Variants in MAST4 observed in about 807,000 individuals in gnomAD.
MAST4 encodes microtubule associated serine/threonine kinase family member 4, also known as microtubule-associated serine/threonine-protein kinase 4.
MAST4 carries 89 observed loss-of-function variants against 162.7 expected under a neutral mutation model. That is an observed-to-expected ratio of 0.55 (90% CI 0.46 to 0.65). MAST4 has a LOEUF of 0.65. Among genes scored for constraint, MAST4 ranks in the 30% least tolerant of loss-of-function variants. MAST4 has a pLI of 0.00. For synonymous variants in MAST4, 1,479 were observed against 1,361.1 expected (o/e 1.09, Z -1.91); for missense variants, 3,153 against 3,374.0 (o/e 0.93, Z 1.62).
At chr5:66,862,538 A>G (rs900425362) in intron 3 of MAST4, among the ~76,000 whole-genome samples, 1 of 152,234 alleles carries the variant, frequency 6.6e-6, no homozygotes, top group African/African-American at 2.4e-5. Context: ...ATGCTCTAAC[A>G]AACGATCATT....
chr5:67,144,329 T>C (rs552397670), intron 21 of MAST4, among the ~76,000 whole-genome samples: 1 of 152,302 alleles, frequency 6.6e-6, no homozygotes, highest in South Asian at 2.1e-4. Context: ...TAAAAAGTAA[T>C]CAAGATGTGC....
At chr5:67,049,080 C>CGTGTATATATATATAT (rs1757854748) in intron 4 of MAST4, among the ~76,000 whole-genome samples, 7 of 82,868 alleles carry the variant, frequency 8.4e-5, no homozygotes, top group Admixed American at 1.3e-4. Flanking sequence ...TATATATATA[C>CGTGTATATATATATAT]ACTACCATAC....
At chr5:66,890,438 A>T (rs746760423) in intron 3 of MAST4, among the ~76,000 whole-genome samples, 1 of 152,216 alleles carries the variant, frequency 6.6e-6, no homozygotes, top group African/African-American at 2.4e-5. Flanking sequence ...ATCAAAACCC[A>T]TAATAATTGA....
At chr5:66,603,411 A>G (rs942774073) in intron 1 of MAST4, among the ~76,000 whole-genome samples, 2 of 152,212 alleles carry the variant, frequency 1.3e-5, no homozygotes, top group East Asian at 1.9e-4. Flanking sequence ...TGTGTCAGCC[A>G]TGTCCTGGGG....
chr5:66,738,185 C>A (rs1752262043), intron 1 of MAST4: 1 of 152,232 alleles, frequency 6.6e-6, no homozygotes, highest in Non-Finnish European at 1.5e-5. Context: ...CTCTACCTGG[C>A]AGTGTCCTCA....
intron 4 of MAST4, among the ~76,000 whole-genome samples, chr5:67,023,254 T>A (rs1025184941): frequency 2.6e-5 from 4 of 152,178 alleles, no homozygotes; most frequent in African/African-American, 9.7e-5. Context: ...TGACTTCAGT[T>A]TCTGGAGAGA....
At chr5:67,098,743 T>C (rs993615192) in intron 7 of MAST4, among the ~76,000 whole-genome samples, 1 of 152,134 alleles carries the variant, frequency 6.6e-6, no homozygotes, top group Admixed American at 6.6e-5. Flanking sequence ...CTGAAGTCAA[T>C]AGATACTGTT....
intron 4 of MAST4, among the ~76,000 whole-genome samples, chr5:66,981,489 G>A (rs1399282826): frequency 6.6e-6 from 1 of 152,208 alleles, no homozygotes; most frequent in Non-Finnish European, 1.5e-5. Flanking sequence ...CTGCGGTGAT[G>A]GAAGGATGGG....
At chr5:66,608,375 TTTTTTTTTTTTG>T in intron 1 of MAST4, among the ~76,000 whole-genome samples, 1 of 145,136 alleles carries the variant, frequency 6.9e-6, no homozygotes, top group Non-Finnish European at 1.5e-5. Flanking sequence ...TTTTTTTTTT[TTTTTTTTTTTTG>T]ATGGCGAGAA....
intron 3 of MAST4, among the ~76,000 whole-genome samples, chr5:66,835,756 A>G (rs1362839928): frequency 6.6e-6 from 1 of 152,182 alleles, no homozygotes; most frequent in Non-Finnish European, 1.5e-5. Flanking sequence ...GAGCTTTTTA[A>G]AGTGTCTTAG....
At chr5:67,126,207 T>C (rs912481102) in intron 14 of MAST4, among the ~76,000 whole-genome samples, 1 of 152,234 alleles carries the variant, frequency 6.6e-6, no homozygotes, top group Admixed American at 6.5e-5. Flanking sequence ...GTGTTCACTC[T>C]CATGATAGTT....
intron 3 of MAST4, among the ~76,000 whole-genome samples, chr5:66,853,517 GTT>G (rs2149817357): frequency 6.6e-6 from 1 of 152,294 alleles, no homozygotes; most frequent in East Asian, 1.9e-4. Flanking sequence ...AGAGGGAAAA[GTT>G]ATATCACAGA....
At chr5:67,015,540 C>T (rs1660026238) in intron 4 of MAST4, among the ~76,000 whole-genome samples, 2 of 152,112 alleles carry the variant, frequency 1.3e-5, no homozygotes, top group South Asian at 4.1e-4. Flanking sequence ...TTGTGCTTTG[C>T]TCTGTTTTGT....
rs1774252853 is a variant in MAST4 at position 67,168,107 on chromosome 5, G to C, written c.*1056G>C. On this transcript the variant is annotated 3_prime_UTR_variant, in exon 29 of 29. Transcript: ENST00000403625. ...GTAATAAGCATCAGGCATTGGAAGA[G>C]GTTTTAAATTTGCTTTTTTGAGGAA... 6.6e-6 allele frequency: 1 copy of C among 152,182 alleles called. No individual in the cohort carries two copies. The highest frequency in any genetic ancestry group is 1.5e-5 in the Non-Finnish European group (1 of 68,040). The allele number at this position is 152,182 out of a possible 1,614,324, so 9.4% of individuals were successfully genotyped here.
chr5:67,073,721 C>A (rs1761245713), intron 5 of MAST4, among the ~76,000 whole-genome samples: 4 of 152,132 alleles, frequency 2.6e-5, no homozygotes, highest in Admixed American at 2.6e-4. Flanking sequence ...AAGAAAACAT[C>A]ACAAACCACT....
intron 1 of MAST4, among the ~76,000 whole-genome samples, chr5:66,659,382 C>T (rs1221249759): frequency 1.3e-5 from 2 of 152,164 alleles, no homozygotes; most frequent in African/African-American, 2.4e-5. Flanking sequence ...TGATGTATCA[C>T]GTTGCCATAT....
In MAST4 at chr5:67,166,733, T is replaced by G; in HGVS notation, c.7554T>G (p.Ser2518Arg). 1 of 1,588,378 alleles carries G rather than the reference T, an allele frequency of 6.3e-7. No homozygotes were observed. The change falls in exon 29 of 29, where the codon AGT (serine) becomes AGG (arginine). Residue 2518 changes from serine to arginine, a missense_variant. Ser to Arg is a moderately radical substitution (Grantham distance 110). This residue lies in a region of MAST4 where 1,644 missense variants were observed against 1,495.0 expected (regional missense o/e 1.10). Coordinates refer to ENST00000403625, the MANE Select transcript of MAST4 (RefSeq NM_001164664.2). ...AGEGRTHMTK[S>R]DSLPSFRVST... ...AGGGCCGAACCCACATGACAAAGAG[T>G]GACTCCCTGCCCTCCTTCCGGGTCT... is the stretch of plus-strand genomic sequence containing the variant.
At chr5:67,062,258 C>T (rs1193902578) in intron 5 of MAST4, among the ~76,000 whole-genome samples, 3 of 152,082 alleles carry the variant, frequency 2.0e-5, no homozygotes, top group African/African-American at 4.8e-5. Context: ...ATTAGCCGGG[C>T]GTGGTGGCAC....
At chr5:66,910,729 G>GT (rs796681892) in intron 4 of MAST4, among the ~76,000 whole-genome samples, 146 of 112,796 alleles carry the variant, frequency 1.3e-3, no homozygotes, top group African/African-American at 2.9e-3. Flanking sequence ...TACACATGTG[G>GT]TTTTTTTTTT....
Sources: gnomAD v4.1 joint callset for allele counts (sites outside exome capture counted in the v4.1 genomes callset) on GRCh38, gnomAD v4.1.1 for gene constraint, gnomAD v4.1.1 regional missense constraint, MANE v1.5 for transcripts, NCBI Gene and HGNC (gene_info 2026-07-23, HGNC 2026-07-21) for gene names.